The following ABI2 variants were observed in gnomAD, a reference collection of about 807,000 sequenced individuals.
ABI2 encodes the protein abelson interactor 2.
A neutral mutation model predicts 59.2 loss-of-function variants in ABI2; 25 were observed. That is an observed-to-expected ratio of 0.42 (90% CI 0.31 to 0.59). The LOEUF is 0.59. ABI2 is among the 20% of genes least tolerant of loss of function. The pLI is 0.14. For missense variants in ABI2, 545 were observed against 681.8 expected (o/e 0.80, Z 2.23); for synonymous variants, 213 against 235.5 (o/e 0.90, Z 0.87).
intron 2 of ABI2, chr2:203,376,173 G>T: frequency 1.7e-5 from 24 of 1,448,838 alleles, no homozygotes; most frequent in Non-Finnish European, 2.2e-5. Context: ...ATAGATCTTT[G>T]GTTCTCAACC....
At chr2:203,334,475 TTTTGGTGGATGAAATATA>T (rs1273467683) in intron 1 of ABI2, among the ~76,000 whole-genome samples, 3 of 152,234 alleles carry the variant, frequency 2.0e-5, no homozygotes, top group Admixed American at 1.3e-4. Flanking sequence ...TAAGGTAATC[TTTTGGTGGATGAAATATA>T]TTTGGTGGAT....
intron 10 of ABI2, among the ~76,000 whole-genome samples, chr2:203,415,520 G>C (rs1363285047): frequency 2.0e-5 from 3 of 150,932 alleles, no homozygotes; most frequent in Non-Finnish European, 4.4e-5. Flanking sequence ...GGGAGGGTGA[G>C]GCAGGAGATT....
chr2:203,374,498 CAAAAAAAAAAAA>C (rs777951265), intron 2 of ABI2, among the ~76,000 whole-genome samples: 3 of 53,838 alleles, frequency 5.6e-5, no homozygotes, highest in African/African-American at 2.2e-4. Context: ...GACTCTGTCT[CAAAAAAAAAAAA>C]AAAAAAAAAG....
intron 1 of ABI2, among the ~76,000 whole-genome samples, chr2:203,344,405 G>T (rs1559168014): frequency 6.6e-6 from 1 of 150,428 alleles, no homozygotes; most frequent in Non-Finnish European, 1.5e-5. Context: ...TTGCTCTATT[G>T]CCCAGGTTGG....
chr2:203,422,085 G>A (rs1466610291), intron 11 of ABI2, among the ~76,000 whole-genome samples: 3 of 151,914 alleles, frequency 2.0e-5, no homozygotes, highest in Non-Finnish European at 4.4e-5. Flanking sequence ...TGCTTGAGAC[G>A]AGGAGTTCAA....
chr2:203,375,152 C>T (rs902952159), intron 2 of ABI2, among the ~76,000 whole-genome samples: 1 of 152,118 alleles, frequency 6.6e-6, no homozygotes, highest in Non-Finnish European at 1.5e-5. Context: ...TTGGCAATAT[C>T]AGTGAGAAGG....
intron 1 of ABI2, chr2:203,342,174 C>G (rs994600905): frequency 2.2e-6 from 1 of 449,762 alleles, no homozygotes; most frequent in South Asian, 1.6e-5. Flanking sequence ...ATGTTTTTTT[C>G]CTTCCTGGTC....
At chr2:203,336,482 A>G (rs905860137) in intron 1 of ABI2, among the ~76,000 whole-genome samples, 3 of 152,106 alleles carry the variant, frequency 2.0e-5, no homozygotes, top group African/African-American at 7.2e-5. Context: ...CCCTTTCTCA[A>G]TCTCTTCATC....
intron 1 of ABI2, 91 bp from the exon 2 acceptor site, chr2:203,366,786 C>A (rs1377788393): frequency 1.4e-5 from 18 of 1,290,268 alleles, no homozygotes; most frequent in Non-Finnish European, 1.8e-5. Flanking sequence ...GTGGACTCAG[C>A]AGAATCGTTG....
chr2:203,332,258 T>A (rs542431105), intron 1 of ABI2, among the ~76,000 whole-genome samples: 1 of 152,224 alleles, frequency 6.6e-6, no homozygotes, highest in South Asian at 2.1e-4. Context: ...TTCTTGCCTA[T>A]ACAAAGGATT....
At chr2:203,388,486 T>C (rs572327437) in intron 4 of ABI2, among the ~76,000 whole-genome samples, 3 of 152,100 alleles carry the variant, frequency 2.0e-5, no homozygotes, top group African/African-American at 4.8e-5. Flanking sequence ...AGTTCGAGAC[T>C]AGCCTGGCCA....
intron 1 of ABI2, among the ~76,000 whole-genome samples, chr2:203,362,970 A>G (rs1044550086): frequency 2.0e-5 from 3 of 152,118 alleles, no homozygotes; most frequent in Non-Finnish European, 4.4e-5. Context: ...AGCTGGGACT[A>G]CAGGCATACA....
rs539595971 is a variant in ABI2 at position 203,370,018 on chromosome 2, G to A, written c.285+2974G>A. Among the ~76,000 whole-genome samples, 17 of 152,082 alleles carry A rather than the reference G, an allele frequency of 1.1e-4. No homozygotes were observed. The South Asian group carries it at 1.5e-3, about 13-fold the overall frequency. On this transcript the variant is annotated intron_variant, in intron 2 of 11. Transcript: ENST00000261018. ...TCAGACTGGAATATTATTCTCTAGT[G>A]TAGAAGAAAACATTTTCTGCTTACA...
chr2:203,371,080 C>T (rs1236218050), intron 2 of ABI2, among the ~76,000 whole-genome samples: 1 of 152,180 alleles, frequency 6.6e-6, no homozygotes, highest in South Asian at 2.1e-4. Flanking sequence ...GTTTTTTCAT[C>T]TGTAAGGTAG....
chr2:203,331,549 G>A (rs1318584275), intron 1 of ABI2, among the ~76,000 whole-genome samples: 1 of 151,604 alleles, frequency 6.6e-6, no homozygotes, highest in African/African-American at 2.4e-5. Context: ...AGTAGAGACG[G>A]GATTTCCCCA....
intron 1 of ABI2, among the ~76,000 whole-genome samples, chr2:203,365,774 C>T (rs1055331727): frequency 1.3e-5 from 2 of 151,540 alleles, no homozygotes; most frequent in South Asian, 2.1e-4. Flanking sequence ...GGACTACAGG[C>T]GCCCGCCACC....
intron 4 of ABI2, among the ~76,000 whole-genome samples, chr2:203,386,799 C>T (rs534383167): frequency 2.9e-4 from 44 of 151,832 alleles, no homozygotes; most frequent in African/African-American, 8.7e-4. Flanking sequence ...CCACCATGCC[C>T]GGCTAATTTT....
At chr2:203,343,417 T>C (rs543517047) in intron 1 of ABI2, among the ~76,000 whole-genome samples, 2 of 152,346 alleles carry the variant, frequency 1.3e-5, no homozygotes, top group East Asian at 1.9e-4. Flanking sequence ...AAACATGTTA[T>C]GTGCATGTAA....
At chr2:203,399,667 A>G (rs560461228) in intron 8 of ABI2, among the ~76,000 whole-genome samples, 5 of 152,154 alleles carry the variant, frequency 3.3e-5, no homozygotes, top group African/African-American at 9.6e-5. Flanking sequence ...GGCACCCACC[A>G]CCATGCCCAG....
Sources: gnomAD v4.1 joint callset for allele counts (sites outside exome capture counted in the v4.1 genomes callset) on GRCh38, gnomAD v4.1.1 for gene constraint, MANE v1.5 for transcripts, NCBI Gene and HGNC (gene_info 2026-07-23, HGNC 2026-07-21) for gene names.